CHL1: variants seen among roughly 807,000 people sequenced by gnomAD.
CHL1 encodes neural cell adhesion molecule L1-like protein.
Under a neutral mutation model 141.9 loss-of-function variants are expected in CHL1, and 96 were observed. The ratio of observed to expected loss-of-function variants is 0.68; its 90% CI spans 0.57 to 0.80. CHL1 has a LOEUF of 0.80. Ranked by LOEUF, CHL1 falls within the 30% of genes least tolerant of loss-of-function variation. The pLI is 0.00. For synonymous variants in CHL1, 613 were observed against 502.2 expected, an observed-to-expected ratio of 1.22 and a Z score of -2.95; for missense variants, 1,820 against 1,457.2, an observed-to-expected ratio of 1.25 and a Z score of -4.05.
intron 2 of CHL1, chr3:247,305 A>G (rs973469614): frequency 6.6e-6 from 1 of 152,080 alleles, no homozygotes; most frequent in Non-Finnish European, 1.5e-5. Flanking sequence ...TGAGCTGCAC[A>G]TACGGCACAA....
At chr3:312,951 G>C (rs1699873174) in intron 2 of CHL1, among the ~76,000 whole-genome samples, 1 of 152,178 alleles carries the variant, frequency 6.6e-6, no homozygotes, top group Non-Finnish European at 1.5e-5. Flanking sequence ...ATCCTGAGTA[G>C]AAAAATGTTG....
At chr3:356,006 A>C (rs927658920) in intron 11 of CHL1, among the ~76,000 whole-genome samples, 1 of 152,156 alleles carries the variant, frequency 6.6e-6, no homozygotes, top group African/African-American at 2.4e-5. Flanking sequence ...TCATGCAGAG[A>C]ATGCTTAGCA....
At chr3:394,433 A>G (rs1169467622) in intron 23 of CHL1, among the ~76,000 whole-genome samples, 2 of 152,166 alleles carry the variant, frequency 1.3e-5, no homozygotes, top group African/African-American at 4.8e-5. Flanking sequence ...TCAAAAGGCC[A>G]TGGTTTGGAT....
At chr3:242,345 C>T (rs1165726178) in intron 1 of CHL1, among the ~76,000 whole-genome samples, 1 of 149,812 alleles carries the variant, frequency 6.7e-6, no homozygotes, top group Non-Finnish European at 1.5e-5. Flanking sequence ...GCCTGTAATC[C>T]CAGCACTTTG....
At chr3:301,665 G>A (rs1031878521) in intron 2 of CHL1, among the ~76,000 whole-genome samples, 6 of 152,270 alleles carry the variant, frequency 3.9e-5, no homozygotes, top group East Asian at 1.9e-4. Context: ...AAAGAGATGC[G>A]GCATTGCCAT....
intron 2 of CHL1, among the ~76,000 whole-genome samples, chr3:313,961 T>G (rs1293556794): frequency 1.4e-3 from 214 of 152,310 alleles, no homozygotes; most frequent in African/African-American, 4.8e-3. Flanking sequence ...TGAGTTACAT[T>G]AGTTGCTTAA....
At chr3:247,924 G>A (rs1320803212) in intron 2 of CHL1, 2 of 151,880 alleles carry the variant, frequency 1.3e-5, no homozygotes, top group African/African-American at 4.8e-5. Context: ...CCCATGATAT[G>A]AGGATATGAG....
chr3:318,320 A>G (rs568543805), intron 2 of CHL1, among the ~76,000 whole-genome samples: 17 of 152,036 alleles, frequency 1.1e-4, no homozygotes, highest in African/African-American at 3.9e-4. Context: ...AATTTAATGT[A>G]AGTTTAAAGA....
At chr3:378,030 T>C in intron 16 of CHL1, 88 bp downstream of exon 16, 1 of 1,203,728 alleles carries the variant, frequency 8.3e-7, no homozygotes, top group Non-Finnish European at 1.1e-6. Context: ...TAATGATTCT[T>C]TGAGCCCCTG....
At chr3:394,230 G>A (rs1464180225) in intron 23 of CHL1, among the ~76,000 whole-genome samples, 1 of 152,092 alleles carries the variant, frequency 6.6e-6, no homozygotes, top group Admixed American at 6.5e-5. Flanking sequence ...GGTGCCACAT[G>A]TTAAACTAGA....
intron 24 of CHL1, among the ~76,000 whole-genome samples, chr3:396,208 G>A (rs1420752284): frequency 6.6e-6 from 1 of 152,120 alleles, no homozygotes; most frequent in Non-Finnish European, 1.5e-5. Context: ...ATAAAAGTTA[G>A]ACTTAAAGAT....
rs1318608673 is a variant in CHL1 at position 377,845 on chromosome 3, C to A, written c.1779C>A (p.Thr593=). Residue 593 remains threonine (T), a synonymous_variant, in exon 16 of 28, where the codon ACC becomes ACA. Coordinates refer to ENST00000256509, the MANE Select transcript of CHL1 (RefSeq NM_006614.4). ...GRIIIDGANL[T]ISNVTLEDQG... ...TAATTATTGATGGAGCTAATTTGAC[C>A]ATATCTAATGTAACTTTAGAGGACC... is the stretch of plus-strand genomic sequence containing the variant. 3 of 1,608,416 alleles carry A rather than the reference C, an allele frequency of 1.9e-6. No individual in the cohort carries two copies. Among genetic ancestry groups the A allele is most frequent in the Non-Finnish European group, 2.6e-6 (3 of 1,175,560 alleles).
intron 7 of CHL1, among the ~76,000 whole-genome samples, chr3:342,436 G>C (rs565976108): frequency 6.6e-6 from 1 of 152,118 alleles, no homozygotes; most frequent in Non-Finnish European, 1.5e-5. Context: ...ACTGAAAATG[G>C]GGGAGAAAAC....
intron 2 of CHL1, among the ~76,000 whole-genome samples, chr3:278,619 T>G (rs916195842): frequency 2.0e-5 from 3 of 152,200 alleles, no homozygotes; most frequent in African/African-American, 7.2e-5. Flanking sequence ...GCGCTGCTTT[T>G]TTTTGCTTAT....
chr3:331,398 A>AATTTTT (rs1353371283), intron 5 of CHL1, among the ~76,000 whole-genome samples: 1 of 151,936 alleles, frequency 6.6e-6, no homozygotes, highest in Non-Finnish European at 1.5e-5. Flanking sequence ...GTGCCTGGCC[A>AATTTTT]ATTTTTATTT....
intron 1 of CHL1, among the ~76,000 whole-genome samples, chr3:238,941 C>G (rs1692269342): frequency 7.7e-6 from 1 of 129,660 alleles, no homozygotes; most frequent in Non-Finnish European, 1.6e-5. Context: ...AAACAACAAA[C>G]AAACAAAACA....
chr3:353,375 TA>T (rs1274426543), intron 10 of CHL1, among the ~76,000 whole-genome samples: 1 of 152,154 alleles, frequency 6.6e-6, no homozygotes, highest in Non-Finnish European at 1.5e-5. Context: ...AGGATATCAT[TA>T]AAAAAATGCA....
At chr3:253,333 T>C (rs1693877452) in intron 2 of CHL1, among the ~76,000 whole-genome samples, 1 of 152,164 alleles carries the variant, frequency 6.6e-6, no homozygotes, top group Non-Finnish European at 1.5e-5. Flanking sequence ...TTTAGAGTTC[T>C]TCTCTGAGGA....
intron 27 of CHL1, among the ~76,000 whole-genome samples, chr3:403,050 C>T (rs1709270056): frequency 6.6e-6 from 1 of 152,220 alleles, no homozygotes; most frequent in Non-Finnish European, 1.5e-5. Context: ...ATGGTTTCAT[C>T]TAAAGTTTCA....
Sources: allele counts gnomAD v4.1 joint callset (sites outside exome capture counted in the v4.1 genomes callset), GRCh38; gene constraint gnomAD v4.1.1; transcripts MANE v1.5; gene names NCBI Gene and HGNC (gene_info 2026-07-23, HGNC 2026-07-21).